The following LAMB1 variants were observed in gnomAD, a reference collection of about 807,000 sequenced individuals.
LAMB1 encodes the protein laminin subunit beta-1.
In LAMB1, 121 loss-of-function variants were observed where a neutral mutation model predicts 222.3. The ratio of observed to expected loss-of-function variants is 0.54; its 90% CI spans 0.47 to 0.63. The LOEUF is 0.63. Ranked by LOEUF, LAMB1 falls within the 30% of genes least tolerant of loss-of-function variation. LAMB1 has a pLI of 0.00. For synonymous variants in LAMB1, 794 were observed against 807.2 expected (o/e 0.98, Z 0.28); for missense variants, 2,172 against 2,240.8 (o/e 0.97, Z 0.62).
chr7:107,995,075 G>A (rs898680004), intron 4 of LAMB1, 115 bp from the exon 5 acceptor site: 9 of 601,058 alleles, frequency 1.5e-5, no homozygotes, highest in African/African-American at 3.7e-5. Flanking sequence ...AATTATCCTC[G>A]CATTCTACCT....
rs868602237 is a variant in LAMB1, at chr7:107,939,451, T to C, written c.3761+538A>G. 3.0e-4 allele frequency among the ~76,000 whole-genome samples: 45 copies of C among 152,294 alleles called. 1 individual carries two copies. Among genetic ancestry groups the C allele is most frequent in the East Asian group, 7.7e-4 (4 of 5,184 alleles). Reference sequence around the variant, plus strand: ...GCGGAGAAGCAGAAAAAACTTGAAGTAAGCAGTCTTATTTTGAGGTAATGG... The same window carrying C: ...GCGGAGAAGCAGAAAAAACTTGAAGCAAGCAGTCTTATTTTGAGGTAATGG... On this transcript the variant is annotated intron_variant, in intron 25 of 33. Transcript: ENST00000222399.
intron 3 of LAMB1, among the ~76,000 whole-genome samples, chr7:108,000,297 G>A (rs955431698): frequency 5.9e-5 from 9 of 152,058 alleles, no homozygotes; most frequent in East Asian, 1.9e-4. Context: ...GCAAATGAAC[G>A]GAATCCACTT....
At chr7:107,981,703 T>G (rs1415289265) in intron 7 of LAMB1, among the ~76,000 whole-genome samples, 5 of 152,166 alleles carry the variant, frequency 3.3e-5, no homozygotes, top group Non-Finnish European at 7.3e-5. Context: ...CCACAGCAAT[T>G]AATGTCAGTT....
intron 8 of LAMB1, among the ~76,000 whole-genome samples, chr7:107,978,486 A>AT (rs987660283): frequency 1.6e-4 from 24 of 151,622 alleles, no homozygotes; most frequent in African/African-American, 5.6e-4. Flanking sequence ...GTTACTTAAG[A>AT]TTTTTTTAAG....
At chr7:107,963,184 T>C in intron 14 of LAMB1, 121 bp from the exon 15 acceptor site, 1 of 876,908 alleles carries the variant, frequency 1.1e-6, no homozygotes, top group Admixed American at 2.7e-5. Context: ...ATGTCTATTT[T>C]TTATAGTCAA....
In LAMB1 at chr7:108,001,625, T is replaced by G; in HGVS notation, c.146A>C (p.Lys49Thr). The stretch of plus-strand genomic sequence containing the variant: ...CCCGCACGTCGAGGTCACCGAAAGC[T>G]TCTGTGCTCGGCCGATGAGAAGGTC... ...TGDLLIGRAQ[K>T]LSVTSTCGLH... The change falls in exon 3 of 34, where the codon AAG (lysine) becomes ACG (threonine). Residue 49 changes from lysine (K) to threonine (T), a missense_variant. Physicochemically the swap from Lys to Thr is moderately conservative, Grantham distance 78. Transcript: ENST00000222399. 1 of 1,613,252 alleles carries G rather than the reference T, an allele frequency of 6.2e-7. No individual in the cohort carries two copies. Among genetic ancestry groups the G allele is most frequent in the Non-Finnish European group, 8.5e-7 (1 of 1,179,886 alleles).
intron 24 of LAMB1, among the ~76,000 whole-genome samples, chr7:107,945,585 A>G (rs748141769): frequency 2.0e-5 from 3 of 152,200 alleles, no homozygotes; most frequent in Non-Finnish European, 2.9e-5. Flanking sequence ...CCAGCTGTCA[A>G]TGAGGAGCCC....
intron 1 of LAMB1, 67 bp from the exon 2 acceptor site, chr7:108,003,038 C>T (rs2034421761): frequency 6.9e-7 from 1 of 1,441,936 alleles, no homozygotes; most frequent in Non-Finnish European, 9.1e-7. Flanking sequence ...CCTTCCATTT[C>T]CTGTCGCTCC....
chr7:108,002,673 G>A lies in LAMB1; in HGVS notation c.37+176C>T, dbSNP rs887954158. 3.9e-5 allele frequency among the ~76,000 whole-genome samples: 6 copies of A among 152,350 alleles called. No individual in the cohort carries two copies. The East Asian group carries it at 5.8e-4, about 15-fold the overall frequency. On this transcript the variant is annotated intron_variant, in intron 2 of 33. Coordinates refer to ENST00000222399, the MANE Select transcript of LAMB1 (RefSeq NM_002291.3). Reference sequence around the variant, plus strand: ...TGAGGGTCCGCGGCGCTCCGCGTGCGCTGTCTCCAGCCACCACCGAAGCAA... The same window carrying A: ...TGAGGGTCCGCGGCGCTCCGCGTGCACTGTCTCCAGCCACCACCGAAGCAA...
Position 107,926,180 on chromosome 7 carries a change from T to C in LAMB1, c.5064+3A>G, listed in dbSNP as rs1165724270. 1.9e-6 allele frequency: 3 copies of C among 1,610,566 alleles called. No individual in the cohort carries two copies. In the African/African-American group the frequency reaches 4.0e-5, roughly 22 times the overall value. The stretch of plus-strand genomic sequence containing the variant: ...AGCTCTGAAATTACAAAGATTTACG[T>C]ACCTTCTTAACATCTTCTGCACTTT... On this transcript the variant is annotated splice_donor_region_variant and intron_variant, in intron 32 of 33. Transcript: ENST00000222399.
chr7:107,958,490 G>A (rs796302339), intron 20 of LAMB1, among the ~76,000 whole-genome samples: 4 of 152,296 alleles, frequency 2.6e-5, no homozygotes, highest in African/African-American at 9.6e-5. Flanking sequence ...TTTCACAAGT[G>A]ACTTTTAAAA....
chr7:107,964,511 A>G, intron 14 of LAMB1, 41 bp downstream of exon 14: 1 of 1,613,098 alleles, frequency 6.2e-7, no homozygotes, highest in South Asian at 1.1e-5. Flanking sequence ...CTACACCCCA[A>G]AACACTGCTT....
At chr7:107,951,680 T>C (rs73726656) in intron 23 of LAMB1, among the ~76,000 whole-genome samples, 1,725 of 152,308 alleles carry the variant, frequency 0.011, 31 homozygotes, top group African/African-American at 0.039. Flanking sequence ...TTTACAATGC[T>C]GGGTATGGCT....
rs376386090 is a variant in LAMB1, at chr7:107,929,431, C to G, written c.4726G>C (p.Glu1576Gln). The change falls in exon 30 of 34, where the codon GAA (glutamate) becomes CAA (glutamine). Residue 1576 changes from glutamate to glutamine, a missense_variant. By Grantham distance (29) the Glu-to-Gln change is conservative. Coordinates refer to ENST00000222399, the MANE Select transcript of LAMB1 (RefSeq NM_002291.3). ...AGATACCTTGCTCTTTTAGCTTCTT[C>G]TAACAACATCTCAGCTCTGGCAATG... ...ADIARAEMLL[E>Q]EAKRASKSAT... is the part of the protein sequence containing the mutation. 18 of 1,614,088 alleles carry G rather than the reference C, an allele frequency of 1.1e-5. No individual in the cohort carries two copies. The highest frequency in any genetic ancestry group is 1.5e-5 in the Non-Finnish European group (18 of 1,179,990).
intron 25 of LAMB1, among the ~76,000 whole-genome samples, chr7:107,938,063 T>C (rs1191137430): frequency 5.3e-5 from 8 of 152,158 alleles, no homozygotes; most frequent in Non-Finnish European, 8.8e-5. Flanking sequence ...TGTATGTGTA[T>C]TGTAAAGAAA....
At chr7:107,991,905 C>CAAA (rs71134302) in intron 5 of LAMB1, among the ~76,000 whole-genome samples, 1,842 of 91,132 alleles carry the variant, frequency 0.02, 112 homozygotes, top group African/African-American at 0.071. Context: ...GACTTCGTCT[C>CAAA]AAAAAAAAAA....
At chr7:107,980,860 GTT>G (rs76389339) in intron 7 of LAMB1, 49 bp from the exon 8 acceptor site, 786 of 915,164 alleles carry the variant, frequency 8.6e-4, no homozygotes, top group Middle Eastern at 1.8e-3. Context: ...CAAGCAAGAA[GTT>G]TTTTTTTTTT....
At chr7:108,001,933 G>T in intron 2 of LAMB1, 200 bp from the exon 3 acceptor site, 4 of 1,456,686 alleles carry the variant, frequency 2.7e-6, no homozygotes, top group Admixed American at 2.7e-5. Flanking sequence ...AGAAGGACAC[G>T]GAAAGAAACC....
At chr7:107,984,145 A>G (rs2034027648) in intron 7 of LAMB1, among the ~76,000 whole-genome samples, 2 of 152,234 alleles carry the variant, frequency 1.3e-5, no homozygotes, top group African/African-American at 4.8e-5. Context: ...AGTAGAGCAC[A>G]TGAAACACCT....
Sources: gnomAD v4.1 joint callset for allele counts (sites outside exome capture counted in the v4.1 genomes callset) on GRCh38, gnomAD v4.1.1 for gene constraint, MANE v1.5 for transcripts, NCBI Gene and HGNC (gene_info 2026-07-23, HGNC 2026-07-21) for gene names.